The following MYO1D variants were observed in gnomAD, a reference collection of about 807,000 sequenced individuals.
The protein encoded by MYO1D is unconventional myosin-Id.
Under a neutral mutation model 122.0 loss-of-function variants are expected in MYO1D, and 83 were observed. The ratio of observed to expected loss-of-function variants is 0.68; its 90% CI spans 0.57 to 0.82. MYO1D has a LOEUF of 0.82. Among genes scored for constraint, MYO1D ranks in the 40% least tolerant of loss-of-function variants. MYO1D has a pLI of 0.00. For synonymous variants in MYO1D, 464 were observed against 446.9 expected, an observed-to-expected ratio of 1.04 and a Z score of -0.48; for missense variants, 1,157 against 1,269.5, an observed-to-expected ratio of 0.91 and a Z score of 1.35.
At chr17:32,558,716 T>C (rs893719004) in intron 21 of MYO1D, among the ~76,000 whole-genome samples, 2 of 152,218 alleles carry the variant, frequency 1.3e-5, no homozygotes, top group Non-Finnish European at 2.9e-5. Flanking sequence ...TAAAATGTGC[T>C]TCCGTTTTAA....
chr17:32,801,263 T>C (rs958138262), intron 1 of MYO1D, among the ~76,000 whole-genome samples: 16 of 152,250 alleles, frequency 1.1e-4, no homozygotes, highest in Admixed American at 2.0e-4. Flanking sequence ...ACTACTAATA[T>C]TCTTATTTTA....
chr17:32,614,917 T>C (rs760581511), intron 20 of MYO1D, among the ~76,000 whole-genome samples: 5 of 152,054 alleles, frequency 3.3e-5, no homozygotes, highest in Non-Finnish European at 7.4e-5. Flanking sequence ...GACAAGTGAG[T>C]GTATGAGGGC....
At chr17:32,702,924 ATAATT>A (rs1438345413) in intron 16 of MYO1D, among the ~76,000 whole-genome samples, 1 of 152,222 alleles carries the variant, frequency 6.6e-6, no homozygotes, top group Non-Finnish European at 1.5e-5. Context: ...AAGGGGTAGC[ATAATT>A]TAAATTTCCA....
chr17:32,601,019 A>G (rs2087556385), intron 21 of MYO1D, among the ~76,000 whole-genome samples: 1 of 150,374 alleles, frequency 6.7e-6, no homozygotes, highest in Non-Finnish European at 1.5e-5. Flanking sequence ...TGGCACGATC[A>G]TCGCTCACTG....
chr17:32,620,751 C>T (rs558973947), intron 20 of MYO1D, among the ~76,000 whole-genome samples: 6 of 152,112 alleles, frequency 3.9e-5, no homozygotes, highest in Non-Finnish European at 8.8e-5. Flanking sequence ...AGATAATGCC[C>T]CAAACAAATC....
intron 16 of MYO1D, among the ~76,000 whole-genome samples, chr17:32,675,691 T>C (rs1224086019): frequency 1.3e-5 from 2 of 152,176 alleles, no homozygotes; most frequent in Non-Finnish European, 1.5e-5. Flanking sequence ...TGGGTTTCTA[T>C]TTTATTAATT....
intron 21 of MYO1D, among the ~76,000 whole-genome samples, chr17:32,509,269 T>A (rs1909603372): frequency 6.6e-6 from 1 of 152,206 alleles, no homozygotes; most frequent in Non-Finnish European, 1.5e-5. Flanking sequence ...AAGGGGTGCC[T>A]TTTGGGAACT....
intron 16 of MYO1D, among the ~76,000 whole-genome samples, chr17:32,703,063 A>T (rs991878265): frequency 2.0e-5 from 3 of 152,238 alleles, no homozygotes; most frequent in Non-Finnish European, 4.4e-5. Context: ...GAAATAATTT[A>T]TATGTTTAGT....
At chr17:32,703,416 A>T (rs968959632) in intron 16 of MYO1D, among the ~76,000 whole-genome samples, 1 of 151,102 alleles carries the variant, frequency 6.6e-6, no homozygotes. Flanking sequence ...CATTCTTAAC[A>T]TAACTTTATA....
intron 1 of MYO1D, among the ~76,000 whole-genome samples, chr17:32,859,245 C>T (rs9916041): frequency 0.035 from 5,254 of 152,258 alleles, 305 homozygotes; most frequent in African/African-American, 0.12. Flanking sequence ...CTGTACTTTT[C>T]CCCTTTCCAT....
Position 32,776,028 on chromosome 17 carries a change from C to T in MYO1D, c.400G>A (p.Val134Met). 1 of 1,608,486 alleles carries T rather than the reference C, an allele frequency of 6.2e-7. No individual in the cohort carries two copies. Among genetic ancestry groups the T allele is most frequent in the Non-Finnish European group, 8.5e-7 (1 of 1,178,642 alleles). ...TTGGACTTAAGCAACATATTCTTCACTCTTTAACACAGATAAATGAAAGTC... is the reference window on the plus strand; with the variant it reads ...TTGGACTTAAGCAACATATTCTTCATTCTTTAACACAGATAAATGAAAGTC... The part of the protein sequence containing the change: ...NPSQRAEVER[V>M]KNMLLKSNCV... The change falls in exon 4 of 22, where the codon GTG becomes ATG. Residue 134 changes from valine to methionine, a missense_variant and splice_region_variant. By Grantham distance (21) the Val-to-Met change is conservative. Transcript: ENST00000318217.
At chr17:32,750,743 TAC>T (rs1166787720) in intron 11 of MYO1D, among the ~76,000 whole-genome samples, 3 of 152,184 alleles carry the variant, frequency 2.0e-5, no homozygotes, top group Non-Finnish European at 4.4e-5. Context: ...AGTGAATAAT[TAC>T]AGGAAATTAG....
intron 1 of MYO1D, among the ~76,000 whole-genome samples, chr17:32,796,984 T>C (rs2151040399): frequency 6.6e-6 from 1 of 152,278 alleles, no homozygotes; most frequent in East Asian, 1.9e-4. Context: ...TGTTGTTTTT[T>C]TTTTTGAGAT....
chr17:32,740,942 ATGCT>A (rs2089764950), intron 13 of MYO1D, among the ~76,000 whole-genome samples: 1 of 152,180 alleles, frequency 6.6e-6, no homozygotes, highest in African/African-American at 2.4e-5. Context: ...GGAATGCAAA[ATGCT>A]TGCTCCCTTC....
intron 1 of MYO1D, among the ~76,000 whole-genome samples, chr17:32,782,669 C>T (rs572703470): frequency 6.6e-6 from 1 of 152,318 alleles, no homozygotes; most frequent in East Asian, 1.9e-4. Flanking sequence ...GACGCAGTGG[C>T]TCTTGCCTAT....
intron 21 of MYO1D, among the ~76,000 whole-genome samples, chr17:32,517,266 C>T (rs1449390087): frequency 6.6e-6 from 1 of 152,226 alleles, no homozygotes; most frequent in Non-Finnish European, 1.5e-5. Context: ...TTTTAAATGA[C>T]TGTCACAGGA....
At position 32,669,681 on chromosome 17, in the gene MYO1D, T is replaced by C. The variant is rs552128430; in HGVS notation, c.2122-10343A>G. 3.2e-4 allele frequency among the ~76,000 whole-genome samples: 48 copies of C among 152,320 alleles called. 2 individuals are homozygous for C. In the South Asian group the frequency reaches 4.6e-3, roughly 14 times the overall value. On this transcript the variant is annotated intron_variant, in intron 16 of 21. Transcript: ENST00000318217. ...ACAATTTCCAAAGAACCAGGTTCTA[T>C]CCTTTTGGGAAGCAATGAAATCAAA...
chr17:32,659,700 T>C (rs183112305), intron 16 of MYO1D, among the ~76,000 whole-genome samples: 1 of 152,348 alleles, frequency 6.6e-6, no homozygotes, highest in African/African-American at 2.4e-5. Flanking sequence ...CAGAACATCA[T>C]GCCATAAGCA....
At chr17:32,797,777 C>G (rs377537042) in intron 1 of MYO1D, among the ~76,000 whole-genome samples, 1 of 152,118 alleles carries the variant, frequency 6.6e-6, no homozygotes, top group Non-Finnish European at 1.5e-5. Context: ...TAACGTCAAG[C>G]GCATGGATTA....
Sources: allele counts gnomAD v4.1 joint callset (sites outside exome capture counted in the v4.1 genomes callset), GRCh38; gene constraint gnomAD v4.1.1; transcripts MANE v1.5; gene names NCBI Gene and HGNC (gene_info 2026-07-23, HGNC 2026-07-21).